The following TMEM177 variants were observed in gnomAD, a reference collection of about 807,000 sequenced individuals.
The protein encoded by TMEM177 is transmembrane protein 177.
Under a neutral mutation model 14.2 loss-of-function variants are expected in TMEM177, and 4 were observed. That is an observed-to-expected ratio of 0.28 (90% CI 0.14 to 0.64). TMEM177 has a LOEUF of 0.64. Among genes scored for constraint, TMEM177 ranks in the 30% least tolerant of loss-of-function variants. The pLI, the probability that TMEM177 is intolerant of heterozygous loss-of-function variation, is 0.82. For missense variants in TMEM177, 344 were observed against 405.2 expected (o/e 0.85, Z 1.30); for synonymous variants, 179 against 174.5 (o/e 1.03, Z -0.20).
chr2:119,693,744 T>A, the TMEM177 span, among the ~76,000 whole-genome samples: 4,756 of 151,886 alleles, frequency 0.031, 141 homozygotes, highest in African/African-American at 0.083. Context: ...CTCCTGTGGG[T>A]GCCACGTGAC....
At chr2:119,692,848 T>G in the TMEM177 span, among the ~76,000 whole-genome samples, 1 of 151,818 alleles carries the variant, frequency 6.6e-6, no homozygotes, top group Admixed American at 6.6e-5. Context: ...TGGTGGCACC[T>G]GTAATCCCAG....
At chr2:119,707,006 G>C in the TMEM177 span, among the ~76,000 whole-genome samples, 1 of 152,030 alleles carries the variant, frequency 6.6e-6, no homozygotes, top group African/African-American at 2.4e-5. Context: ...CTGCGTCCCA[G>C]GTTCAAGCGA....
chr2:119,719,716 T>C, the TMEM177 span, among the ~76,000 whole-genome samples: 1 of 152,122 alleles, frequency 6.6e-6, no homozygotes, highest in Non-Finnish European at 1.5e-5. Flanking sequence ...GGAGTGGGAA[T>C]GGGCCCAGGT....
the TMEM177 span, among the ~76,000 whole-genome samples, chr2:119,700,375 C>T: frequency 2.6e-5 from 4 of 152,022 alleles, no homozygotes; most frequent in African/African-American, 7.2e-5. Context: ...TGAGAGTTCC[C>T]GTGGCATTGT....
At chr2:119,693,329 G>T in the TMEM177 span, among the ~76,000 whole-genome samples, 5 of 152,232 alleles carry the variant, frequency 3.3e-5, no homozygotes, top group African/African-American at 9.6e-5. Context: ...CAGGAGCCCT[G>T]AATGGGCATC....
chr2:119,715,103 C>T, the TMEM177 span, among the ~76,000 whole-genome samples: 2 of 152,142 alleles, frequency 1.3e-5, no homozygotes, highest in Non-Finnish European at 2.9e-5. Context: ...ACTGGGAAGG[C>T]CAGGTGTGGT....
the TMEM177 span, among the ~76,000 whole-genome samples, chr2:119,694,164 CCACACAACACACAAA>C: frequency 1.6e-5 from 1 of 63,270 alleles, no homozygotes; most frequent in African/African-American, 6.0e-5. Context: ...ATGCAACGTG[CCACACAACACACAAA>C]CACACCACAC....
the TMEM177 span, among the ~76,000 whole-genome samples, chr2:119,696,736 A>T: frequency 1.3e-5 from 2 of 152,148 alleles, no homozygotes; most frequent in Admixed American, 1.3e-4. Flanking sequence ...AAATCCGGGG[A>T]AAGAGCATTC....
chr2:119,708,845 TG>T, the TMEM177 span, among the ~76,000 whole-genome samples: 13 of 38,596 alleles, frequency 3.4e-4, no homozygotes, highest in Admixed American at 4.0e-3. Flanking sequence ...AGCCACAGCT[TG>T]GTATTGACTC....
the TMEM177 span, among the ~76,000 whole-genome samples, chr2:119,718,425 C>T: frequency 1.4e-4 from 21 of 152,122 alleles, no homozygotes; most frequent in Admixed American, 3.9e-4. Flanking sequence ...CTGAGGTGGG[C>T]GAGTGCTTGG....
rs1333984503 is a variant in TMEM177, at chr2:119,681,617, C to A, written c.764C>A (p.Ser255Ter). 6 of 1,614,234 alleles carry A rather than the reference C, an allele frequency of 3.7e-6. No homozygotes were observed. Among genetic ancestry groups the A allele is most frequent in the Non-Finnish European group, 5.1e-6 (6 of 1,180,042 alleles). The change falls in exon 2 of 2, where the codon TCG becomes TAG. Residue 255 changes from serine (S) to a stop codon, truncating the protein, a stop_gained. Coordinates refer to ENST00000272521, the MANE Select transcript of TMEM177 (RefSeq NM_030577.3). LOFTEE classifies it high-confidence loss of function. ...GTGGAGTTCTATGAGAAGCTTCTGTCGGGCAACCTGGCCCTGCGCAGTCTC... is the reference window on the plus strand; with the variant it reads ...GTGGAGTTCTATGAGAAGCTTCTGTAGGGCAACCTGGCCCTGCGCAGTCTC... ...GGVEFYEKLL[S>*]GNLALRSLLG...
At chr2:119,694,059 GCAACATACACACA>G in the TMEM177 span, among the ~76,000 whole-genome samples, 1,824 of 6,072 alleles carry the variant, frequency 0.3, 23 homozygotes, top group Non-Finnish European at 0.39. Flanking sequence ...TCACGCACAT[GCAACATACACACA>G]CAACATACAC....
At chr2:119,685,400 C>T (rs1343390618), downstream of TMEM177, among the ~76,000 whole-genome samples, 1 of 152,094 alleles carries the variant, frequency 6.6e-6, no homozygotes, top group Non-Finnish European at 1.5e-5. Flanking sequence ...TCCACTCAGC[C>T]TTGCCTGGAG....
chr2:119,701,654 C>T, the TMEM177 span, among the ~76,000 whole-genome samples: 1 of 152,174 alleles, frequency 6.6e-6, no homozygotes, highest in African/African-American at 2.4e-5. Context: ...CTAGACAGAG[C>T]CGGTTTATCA....
At chr2:119,696,396 G>A in the TMEM177 span, among the ~76,000 whole-genome samples, 1 of 152,184 alleles carries the variant, frequency 6.6e-6, no homozygotes. Flanking sequence ...TGTGGGGGCA[G>A]TGCTTCACAC....
chr2:119,700,896 C>T, the TMEM177 span, among the ~76,000 whole-genome samples: 1 of 152,226 alleles, frequency 6.6e-6, no homozygotes, highest in Non-Finnish European at 1.5e-5. Flanking sequence ...TCTTTACATG[C>T]ATGCATTTGC....
chr2:119,680,939 G>T lies in TMEM177; in HGVS notation c.86G>T (p.Gly29Val), dbSNP rs11684353. 2.7e-3 allele frequency: 4,348 copies of T among 1,614,148 alleles called. 11 individuals are homozygous for T. Among genetic ancestry groups the T allele is most frequent in the Non-Finnish European group, 3.2e-3 (3,777 of 1,180,006 alleles). Residue 29 changes from glycine (G) to valine (V), a missense_variant, in exon 2 of 2, where the codon GGA (glycine) becomes GTA (valine). By Grantham distance (109) the Gly-to-Val change is moderately radical. Transcript: ENST00000272521. ...LLVGSCAGLF[G>V]VPISYHLFPD... ...GTGGGTTCCTGTGCAGGCCTGTTTGGAGTTCCAATCTCGTACCACCTCTTC... is the reference window on the plus strand; with the variant it reads ...GTGGGTTCCTGTGCAGGCCTGTTTGTAGTTCCAATCTCGTACCACCTCTTC...
downstream of TMEM177, among the ~76,000 whole-genome samples, chr2:119,682,625 A>G (rs1447985190): frequency 6.6e-6 from 1 of 151,896 alleles, no homozygotes; most frequent in Non-Finnish European, 1.5e-5. Flanking sequence ...GTGTTCCAGA[A>G]CTCCGAGATC....
At chr2:119,692,575 C>G in the TMEM177 span, among the ~76,000 whole-genome samples, 135 of 152,366 alleles carry the variant, frequency 8.9e-4, no homozygotes, top group African/African-American at 3.1e-3. Context: ...CTGTTCTGCC[C>G]AGCTCCATGC....
Sources: allele counts gnomAD v4.1 joint callset (sites outside exome capture counted in the v4.1 genomes callset), GRCh38; gene constraint gnomAD v4.1.1; transcripts MANE v1.5; gene names NCBI Gene and HGNC (gene_info 2026-07-23, HGNC 2026-07-21).